The following LYRM4 variants were observed in gnomAD, a reference collection of about 807,000 sequenced individuals.
The protein encoded by LYRM4 is LYR motif containing 4, also known as LYR motif-containing protein 4.
In LYRM4, 9 loss-of-function variants were observed where a neutral mutation model predicts 11.7. The ratio of observed to expected loss-of-function variants is 0.77; its 90% confidence interval spans 0.46 to 1.34. The LOEUF (loss-of-function observed/expected upper bound fraction) is 1.34. LYRM4 is among the 40% of genes most tolerant of loss of function. The pLI is 0.00. For missense variants in LYRM4, 133 were observed against 112.5 expected (o/e 1.18, Z -0.82); for synonymous variants, 42 against 40.4 (o/e 1.04, Z -0.15).
intron 2 of LYRM4, among the ~76,000 whole-genome samples, chr6:5,172,162 C>T (rs546184626): frequency 5.3e-5 from 8 of 152,202 alleles, no homozygotes; most frequent in Admixed American, 6.5e-5. Context: ...TACTAACCAC[C>T]TGACGACAGG....
the LYRM4 span, among the ~76,000 whole-genome samples, chr6:5,094,017 G>C: frequency 6.6e-6 from 1 of 152,232 alleles, no homozygotes; most frequent in African/African-American, 2.4e-5. Flanking sequence ...TTGGGCCAAA[G>C]TGTCTGACTT....
chr6:5,234,098 C>A (rs1357578196), intron 1 of LYRM4, among the ~76,000 whole-genome samples: 1 of 152,168 alleles, frequency 6.6e-6, no homozygotes, highest in Non-Finnish European at 1.5e-5. Context: ...ACAGTCTATA[C>A]AATGTATTTT....
At chr6:5,046,107 A>G in the LYRM4 span, among the ~76,000 whole-genome samples, 2 of 152,016 alleles carry the variant, frequency 1.3e-5, no homozygotes, top group African/African-American at 4.8e-5. Context: ...TGAGCTTACC[A>G]CAGCTTTTTT....
intron 2 of LYRM4, among the ~76,000 whole-genome samples, chr6:5,114,014 G>A (rs1439388104): frequency 1.3e-5 from 2 of 152,214 alleles, no homozygotes; most frequent in Admixed American, 6.5e-5. Flanking sequence ...ACATCTAGAA[G>A]TTTACACTCT....
the LYRM4 span, among the ~76,000 whole-genome samples, chr6:5,064,966 T>C: frequency 2.0e-5 from 3 of 152,296 alleles, no homozygotes; most frequent in East Asian, 3.9e-4. Flanking sequence ...ATGTTACGTA[T>C]CCACCATTAC....
In LYRM4 at chr6:5,139,803, G is replaced by A. The variant is rs541455457; in HGVS notation, c.208-30312C>T. On this transcript the variant is annotated intron_variant, in intron 2 of 2. Coordinates refer to ENST00000330636, the MANE Select transcript of LYRM4 (RefSeq NM_020408.6). ...TTGCCTATAATTTTTCTTCCAGGCT[G>A]GGGCGTGGTGGGTCATGCCTGTGAC... Among the ~76,000 whole-genome samples the A allele has an allele frequency of 2.0e-5, 3 of 151,490 alleles. No individual in the cohort carries two copies. In the East Asian group the frequency reaches 5.9e-4, roughly 30 times the overall value.
chr6:5,165,433 A>G (rs1759021293), intron 2 of LYRM4, among the ~76,000 whole-genome samples: 2 of 152,254 alleles, frequency 1.3e-5, no homozygotes, highest in African/African-American at 4.8e-5. Context: ...TCAATGCTAA[A>G]CTAATCAGTA....
intron 1 of LYRM4, among the ~76,000 whole-genome samples, chr6:5,221,979 G>T (rs1196875270): frequency 6.6e-6 from 1 of 152,210 alleles, no homozygotes; most frequent in East Asian, 1.9e-4. Flanking sequence ...GGGTTATGGT[G>T]TGTGTATGTG....
chr6:5,035,018 A>G, the LYRM4 span, among the ~76,000 whole-genome samples: 1 of 151,992 alleles, frequency 6.6e-6, no homozygotes, highest in African/African-American at 2.4e-5. Flanking sequence ...CAGGTTCTCA[A>G]TGCTGATGAG....
At chr6:5,178,579 C>T (rs555104308) in intron 2 of LYRM4, among the ~76,000 whole-genome samples, 1 of 150,710 alleles carries the variant, frequency 6.6e-6, no homozygotes, top group East Asian at 1.9e-4. Context: ...TTTGGGAGGC[C>T]GAGGCAGGTG....
chr6:5,237,869 A>C (rs1313634912), intron 1 of LYRM4, among the ~76,000 whole-genome samples: 1 of 152,218 alleles, frequency 6.6e-6, no homozygotes, highest in African/African-American at 2.4e-5. Context: ...GCTGCCCTTC[A>C]TTGAAAGAGC....
chr6:5,102,400 T>C (rs1561796616), downstream of LYRM4, among the ~76,000 whole-genome samples: 1 of 152,200 alleles, frequency 6.6e-6, no homozygotes, highest in Non-Finnish European at 1.5e-5. Flanking sequence ...GAAATGCTCC[T>C]TTAAGACTAG....
At chr6:5,254,033 A>G (rs1465183298) in intron 1 of LYRM4, among the ~76,000 whole-genome samples, 1 of 152,162 alleles carries the variant, frequency 6.6e-6, no homozygotes, top group Non-Finnish European at 1.5e-5. Flanking sequence ...GGTCATGCTC[A>G]CTGTTTGGTT....
chr6:5,248,086 G>A (rs1026407829), intron 1 of LYRM4, among the ~76,000 whole-genome samples: 2 of 152,164 alleles, frequency 1.3e-5, no homozygotes, highest in Non-Finnish European at 2.9e-5. Context: ...CAAGAAAAAT[G>A]TCTTCCTCAT....
the LYRM4 span, among the ~76,000 whole-genome samples, chr6:5,079,374 G>A: frequency 1.7e-4 from 26 of 152,230 alleles, no homozygotes; most frequent in Non-Finnish European, 3.2e-4. Flanking sequence ...TCTTCTTGGT[G>A]CAAGGAAGGC....
chr6:5,180,633 G>A (rs111895542), intron 2 of LYRM4, among the ~76,000 whole-genome samples: 209 of 152,246 alleles, frequency 1.4e-3, no homozygotes, highest in East Asian at 8.7e-3. Context: ...TCTCTGGTTC[G>A]TTGGTTCCTC....
At chr6:5,167,856 G>C (rs1215639077) in intron 2 of LYRM4, among the ~76,000 whole-genome samples, 1 of 151,860 alleles carries the variant, frequency 6.6e-6, no homozygotes, top group African/African-American at 2.4e-5. Context: ...GAAATACTCA[G>C]CTTCTGATAT....
Position 5,203,269 on chromosome 6 carries a change from C to A in LYRM4, c.207+13349G>T, listed in dbSNP as rs527503310. On this transcript the variant is annotated intron_variant, in intron 2 of 2. Coordinates refer to ENST00000330636, the MANE Select transcript of LYRM4 (RefSeq NM_020408.6). ...CTCTGATTAGGCATATCTTGTTGAT[C>A]AGGCACCATTCTACGCACATGGGTA... 3.9e-5 allele frequency among the ~76,000 whole-genome samples: 6 copies of A among 152,278 alleles called. No homozygotes were observed. The South Asian group carries it at 8.3e-4, about 21-fold the overall frequency.
chr6:5,234,958 C>T (rs1018930198), intron 1 of LYRM4, among the ~76,000 whole-genome samples: 1 of 152,180 alleles, frequency 6.6e-6, no homozygotes, highest in Non-Finnish European at 1.5e-5. Context: ...CTGCCAGCTG[C>T]ACTCCAGAGC....
Sources: gnomAD v4.1 joint callset for allele counts (sites outside exome capture counted in the v4.1 genomes callset) on GRCh38, gnomAD v4.1.1 for gene constraint, MANE v1.5 for transcripts, NCBI Gene and HGNC (gene_info 2026-07-23, HGNC 2026-07-21) for gene names.